The following NDUFS6 variants were observed in gnomAD, a reference collection of about 807,000 sequenced individuals.
The protein encoded by NDUFS6 is NADH:ubiquinone oxidoreductase subunit S6.
A neutral mutation model predicts 13.2 loss-of-function variants in NDUFS6; 14 were observed. The observed-to-expected ratio is 1.06, with a 90% confidence interval of 0.70 to 1.66. The LOEUF is 1.66. Ranked by LOEUF, NDUFS6 falls within the 40% of genes most tolerant of loss-of-function variation. The pLI, the probability that NDUFS6 is intolerant of heterozygous loss-of-function variation, is 0.00. For synonymous variants in NDUFS6, 95 were observed against 72.3 expected (o/e 1.31, Z -1.60); for missense variants, 206 against 170.8 (o/e 1.21, Z -1.15).
rs756175322 is a variant in NDUFS6 at position 1,814,508 on chromosome 5, C to T, written c.309+47C>T. On this transcript the variant is annotated intron_variant, in intron 3 of 3. Coordinates refer to ENST00000274137, the MANE Select transcript of NDUFS6 (RefSeq NM_004553.6). This position sits in a 1 kb window ranked among gnomAD's most constrained non-coding sequence, Gnocchi z 4.9. ...CACATGTTAGGGCAGCCTGCTCGTCCTCATACTCCCCTTCACTCCCAGTGC... is the reference window on the plus strand; with the variant it reads ...CACATGTTAGGGCAGCCTGCTCGTCTTCATACTCCCCTTCACTCCCAGTGC... 7 of 1,613,794 alleles carry T rather than the reference C, an allele frequency of 4.3e-6. No individual in the cohort carries two copies. The highest frequency in any genetic ancestry group is 5.9e-6 in the Non-Finnish European group (7 of 1,179,858).
rs748757721 is a variant in NDUFS6, at chr5:1,811,186, T to C, written c.187-3153T>C. ...AAAATATATGTTAATCGACCATTTA[T>C]GTTATTGGCAAACATTCTGGTCAGC... is the stretch of plus-strand genomic sequence containing the variant. On this transcript the variant is annotated intron_variant, in intron 2 of 3. Coordinates refer to ENST00000274137, the MANE Select transcript of NDUFS6 (RefSeq NM_004553.6). Among the ~76,000 whole-genome samples, 70 of 152,376 alleles carry C rather than the reference T, an allele frequency of 4.6e-4. 1 individual carries two copies. Among genetic ancestry groups the C allele is most frequent in the Non-Finnish European group, 5.0e-4 (34 of 68,034 alleles).
rs1362307741 is a variant in NDUFS6 at position 1,814,620 on chromosome 5, A to C, written c.309+159A>C. The C allele has an allele frequency of 9.0e-7, 1 of 1,108,196 alleles. No homozygotes were observed. The highest frequency in any genetic ancestry group is 2.0e-5 in the Admixed American group (1 of 50,482). 68.6% of individuals were successfully genotyped at this position (1,108,196 alleles called of 1,614,324 possible). On this transcript the variant is annotated intron_variant, in intron 3 of 3. Coordinates refer to ENST00000274137, the MANE Select transcript of NDUFS6 (RefSeq NM_004553.6). The surrounding 1 kb of genome is among the most constrained non-coding windows in gnomAD (Gnocchi z 4.9). ...TGGCACATTCACCCTACAGCGCCAC[A>C]CTACAGGGCCTACATAGAGCCGCCT...
In NDUFS6 at chr5:1,801,563, G is replaced by A. The variant is rs955118924; in HGVS notation, c.132+14G>A. 3.2e-6 allele frequency: 5 copies of A among 1,572,390 alleles called. No individual in the cohort carries two copies. In the African/African-American group the frequency reaches 5.4e-5, roughly 17 times the overall value. ...CACACTGGCCAGGTAACGGCCGCTG[G>A]GTACAGGATGCACCTTCCTCCAGCC... is the stretch of plus-strand genomic sequence containing the variant. On this transcript the variant is annotated intron_variant, in intron 1 of 3. Coordinates refer to ENST00000274137, the MANE Select transcript of NDUFS6 (RefSeq NM_004553.6).
chr5:1,811,995 TC>T (rs909479082), intron 2 of NDUFS6, among the ~76,000 whole-genome samples: 8 of 152,388 alleles, frequency 5.2e-5, no homozygotes, highest in Non-Finnish European at 8.8e-5. Context: ...CTTGATTCTT[TC>T]CCTATATTTA....
chr5:1,801,586 G>A, intron 1 of NDUFS6, 37 bp downstream of exon 1: 1 of 1,543,284 alleles, frequency 6.5e-7, no homozygotes, highest in Non-Finnish European at 8.7e-7. Flanking sequence ...CCTTCCTCCA[G>A]CCGCACCTCG....
At chr5:1,802,180 G>C in intron 1 of NDUFS6, 141 bp from the exon 2 acceptor site, 1 of 752,370 alleles carries the variant, frequency 1.3e-6, no homozygotes, top group Non-Finnish European at 2.3e-6. Context: ...TGATTACACC[G>C]AGTACTGTGC....
At chr5:1,801,593 C>T in intron 1 of NDUFS6, 44 bp downstream of exon 1, 1 of 1,536,118 alleles carries the variant, frequency 6.5e-7, no homozygotes, top group Non-Finnish European at 8.7e-7. Flanking sequence ...CCAGCCGCAC[C>T]TCGGGCGACT....
intron 2 of NDUFS6, among the ~76,000 whole-genome samples, chr5:1,804,151 G>A (rs1253292553): frequency 6.6e-6 from 1 of 152,196 alleles, no homozygotes; most frequent in Non-Finnish European, 1.5e-5. Context: ...GGTCGTGGGG[G>A]CAAGGTAGGA....
In NDUFS6 at chr5:1,801,507, G is replaced by T. The variant is rs774948841; in HGVS notation, c.90G>T (p.Val30=). 1 of 1,600,226 alleles carries T rather than the reference G, an allele frequency of 6.2e-7. No homozygotes were observed. Among genetic ancestry groups the T allele is most frequent in the Non-Finnish European group, 8.5e-7 (1 of 1,178,430 alleles). ...SLPLGARCFG[V]RVSPTGEKVT... ...CCCTGGGCGCCAGGTGTTTCGGGGT[G>T]CGGGTCTCGCCGACCGGGGAGAAGG... Residue 30 remains valine, a synonymous_variant, in exon 1 of 4, where the codon GTG becomes GTT. Coordinates refer to ENST00000274137, the MANE Select transcript of NDUFS6 (RefSeq NM_004553.6).
chr5:1,810,181 G>T (rs1734197041), intron 2 of NDUFS6, among the ~76,000 whole-genome samples: 1 of 152,204 alleles, frequency 6.6e-6, no homozygotes, highest in Non-Finnish European at 1.5e-5. Context: ...TCTGGGGCGG[G>T]GACGCTGTAG....
In NDUFS6 at chr5:1,801,441, C is replaced by T. The variant is rs886060511; in HGVS notation, c.24C>T (p.Cys8=). The part of the protein sequence containing the change: MAAAMTF[C]RLLNRCGEAA... ...AAATGGCGGCGGCGATGACCTTCTGCCGGCTGCTGAACCGGTGTGGCGAGG... is the reference window on the plus strand; with the variant it reads ...AAATGGCGGCGGCGATGACCTTCTGTCGGCTGCTGAACCGGTGTGGCGAGG... The change falls in exon 1 of 4, where the codon TGC becomes TGT. Residue 8 remains cysteine (C), a synonymous_variant. Coordinates refer to ENST00000274137, the MANE Select transcript of NDUFS6 (RefSeq NM_004553.6). 1.1e-5 allele frequency: 18 copies of T among 1,604,892 alleles called. No homozygotes were observed. The highest frequency in any genetic ancestry group is 1.4e-5 in the Non-Finnish European group (17 of 1,178,532).
intron 2 of NDUFS6, among the ~76,000 whole-genome samples, chr5:1,808,390 A>T (rs1460465772): frequency 2.6e-5 from 4 of 152,172 alleles, no homozygotes; most frequent in Admixed American, 1.3e-4. Context: ...AATCTTCTGG[A>T]TGGATAAGAA....
chr5:1,802,450 A>C, intron 2 of NDUFS6, 76 bp downstream of exon 2: 2 of 1,213,374 alleles, frequency 1.6e-6, no homozygotes, highest in Non-Finnish European at 2.4e-6. Context: ...AAAAATTAAT[A>C]TATAAGATTT....
At chr5:1,811,430 T>A (rs899054404) in intron 2 of NDUFS6, among the ~76,000 whole-genome samples, 13 of 152,376 alleles carry the variant, frequency 8.5e-5, no homozygotes, top group African/African-American at 2.9e-4. Context: ...TTATACTTTC[T>A]TTAAGTTAAA....
chr5:1,804,897 C>T (rs925139229), intron 2 of NDUFS6, among the ~76,000 whole-genome samples: 26 of 152,314 alleles, frequency 1.7e-4, no homozygotes, highest in African/African-American at 6.3e-4. Context: ...TGTGTAATGA[C>T]ATGTATTCAC....
intron 3 of NDUFS6, among the ~76,000 whole-genome samples, 155 bp from the exon 4 acceptor site, chr5:1,815,695 TG>T (rs1235779263): frequency 6.6e-6 from 1 of 152,204 alleles, no homozygotes; most frequent in African/African-American, 2.4e-5. Context: ...TCGGTCAGCC[TG>T]GAACCGAGAT....
chr5:1,804,789 T>C (rs1274188888), intron 2 of NDUFS6, among the ~76,000 whole-genome samples: 1 of 152,272 alleles, frequency 6.6e-6, no homozygotes, highest in African/African-American at 2.4e-5. Flanking sequence ...ATTAGTGTGC[T>C]GCCTGTGTCA....
intron 1 of NDUFS6, 30 bp downstream of exon 1, chr5:1,801,579 TCCTC>T: frequency 1.9e-6 from 3 of 1,549,166 alleles, no homozygotes; most frequent in Non-Finnish European, 2.6e-6. Context: ...GGATGCACCT[TCCTC>T]CAGCCGCACC....
At chr5:1,806,339 GCACAGCC>G in intron 2 of NDUFS6, among the ~76,000 whole-genome samples, 1 of 152,158 alleles carries the variant, frequency 6.6e-6, no homozygotes, top group East Asian at 1.9e-4. Context: ...TCCCTGACCC[GCACAGCC>G]CACAGCTGGG....
Sources: gnomAD v4.1 joint callset for allele counts (sites outside exome capture counted in the v4.1 genomes callset) on GRCh38, gnomAD v4.1.1 for gene constraint, Gnocchi (gnomAD v3.1) non-coding constraint, MANE v1.5 for transcripts, NCBI Gene and HGNC (gene_info 2026-07-23, HGNC 2026-07-21) for gene names.